TRIM5: variants seen among roughly 807,000 people sequenced by gnomAD.
The protein encoded by TRIM5 is tripartite motif-containing protein 5.
TRIM5 carries 31 observed loss-of-function variants against 35.6 expected under a neutral mutation model. The observed-to-expected ratio is 0.87, with a 90% CI of 0.65 to 1.18. The LOEUF is 1.18. Ranked by LOEUF, TRIM5 falls within the 50% of genes most tolerant of loss-of-function variation. TRIM5 has a pLI of 0.00. For synonymous variants in TRIM5, 243 were observed against 215.6 expected (o/e 1.13, Z -1.11); for missense variants, 609 against 591.6 (o/e 1.03, Z -0.31).
the TRIM5 span, among the ~76,000 whole-genome samples, chr11:5,628,806 ATTTTT>A: frequency 4.0e-5 from 6 of 149,550 alleles, no homozygotes; most frequent in African/African-American, 1.5e-4. Flanking sequence ...GGCAAAGTTG[ATTTTT>A]TTTTTTCAGA....
At chr11:5,596,774 G>T in the TRIM5 span, 1 of 1,484,968 alleles carries the variant, frequency 6.7e-7, no homozygotes, top group South Asian at 1.1e-5. Flanking sequence ...GTTGAGTTTA[G>T]ATAAAAGCCG....
chr11:5,662,960 C>G (rs1042842029), downstream of TRIM5, among the ~76,000 whole-genome samples: 1 of 152,100 alleles, frequency 6.6e-6, no homozygotes, highest in Non-Finnish European at 1.5e-5. Context: ...GAAACCCTGT[C>G]TCTACCAAAA....
chr11:5,613,376 T>C, the TRIM5 span, among the ~76,000 whole-genome samples: 3 of 152,254 alleles, frequency 2.0e-5, no homozygotes, highest in Non-Finnish European at 4.4e-5. Context: ...AGGCTCAGCT[T>C]GGGTGTCTAT....
intron 4 of TRIM5, among the ~76,000 whole-genome samples, chr11:5,674,365 G>A (rs1189859478): frequency 6.6e-6 from 1 of 152,198 alleles, no homozygotes; most frequent in Non-Finnish European, 1.5e-5. Flanking sequence ...CAGCATCTGG[G>A]TATAACACAG....
chr11:5,624,084 G>A, the TRIM5 span, among the ~76,000 whole-genome samples: 2 of 152,150 alleles, frequency 1.3e-5, no homozygotes, highest in Non-Finnish European at 2.9e-5. Flanking sequence ...TCTTGTTCAA[G>A]TTTCCTCCTC....
At chr11:5,651,089 T>C in the TRIM5 span, among the ~76,000 whole-genome samples, 5 of 152,202 alleles carry the variant, frequency 3.3e-5, no homozygotes, top group African/African-American at 1.2e-4. Flanking sequence ...ATGAGGAACA[T>C]GTTGCCTCCA....
the TRIM5 span, among the ~76,000 whole-genome samples, chr11:5,615,935 T>C: frequency 0.16 from 22,722 of 142,904 alleles, 1,697 homozygotes; most frequent in East Asian, 0.29. Flanking sequence ...ATCTTTTCAT[T>C]TTTTTTTTTT....
chr11:5,591,439 A>G, the TRIM5 span, among the ~76,000 whole-genome samples: 5 of 152,188 alleles, frequency 3.3e-5, no homozygotes, highest in African/African-American at 9.6e-5. Flanking sequence ...ACCTGAGGTC[A>G]AGAGTTGGAG....
At chr11:5,642,631 T>C in the TRIM5 span, 3 of 1,409,276 alleles carry the variant, frequency 2.1e-6, no homozygotes, top group African/African-American at 1.4e-5. Flanking sequence ...ATAAGGAATA[T>C]TCTGTGGTGA....
intron 1 of TRIM5, among the ~76,000 whole-genome samples, chr11:5,680,708 A>T (rs1311611101): frequency 6.6e-6 from 1 of 152,232 alleles, no homozygotes; most frequent in Non-Finnish European, 1.5e-5. Context: ...ATGTTATATT[A>T]TCAAAAATAC....
intron 1 of TRIM5, among the ~76,000 whole-genome samples, chr11:5,681,729 G>A (rs1188122862): frequency 8.9e-6 from 1 of 112,838 alleles, no homozygotes; most frequent in Non-Finnish European, 1.7e-5. Context: ...AAAGGCCTGG[G>A]CAAAACTCTC....
At chr11:5,591,902 C>A in the TRIM5 span, among the ~76,000 whole-genome samples, 1 of 151,774 alleles carries the variant, frequency 6.6e-6, no homozygotes, top group Non-Finnish European at 1.5e-5. Flanking sequence ...CCCCGGGGGG[C>A]TGTGGCAATT....
At chr11:5,621,056 A>T in the TRIM5 span, among the ~76,000 whole-genome samples, 1 of 152,182 alleles carries the variant, frequency 6.6e-6, no homozygotes, top group African/African-American at 2.4e-5. Context: ...CAGTTTCTCT[A>T]TGTGTAGACA....
the TRIM5 span, among the ~76,000 whole-genome samples, chr11:5,651,824 A>G: frequency 4.6e-5 from 7 of 152,076 alleles, no homozygotes; most frequent in African/African-American, 1.7e-4. Context: ...TTTACTTTTT[A>G]ATAATAGCCA....
chr11:5,634,528 C>CATATATATATATATATATAT, the TRIM5 span: 10 of 530,382 alleles, frequency 1.9e-5, no homozygotes, highest in African/African-American at 2.4e-4. Flanking sequence ...CACACACACA[C>CATATATATATATATATATAT]ACATATATAT....
chr11:5,643,407 A>C, the TRIM5 span: 3 of 1,614,146 alleles, frequency 1.9e-6, no homozygotes, highest in Admixed American at 5.0e-5. Flanking sequence ...AAATCTTTAC[A>C]CCAAATACAG....
chr11:5,642,922 C>CTTAG, the TRIM5 span: 1 of 1,578,776 alleles, frequency 6.3e-7, no homozygotes, highest in South Asian at 1.1e-5. Context: ...ATCTTCTGAT[C>CTTAG]TTAGCCTCAT....
At chr11:5,634,530 C>CACACACAT in the TRIM5 span, 35 of 261,476 alleles carry the variant, frequency 1.3e-4, no homozygotes, top group Admixed American at 5.5e-4. Flanking sequence ...CACACACACA[C>CACACACAT]ATATATATAT....
intron 4 of TRIM5, among the ~76,000 whole-genome samples, chr11:5,677,505 G>A (rs1006311942): frequency 6.6e-6 from 1 of 152,342 alleles, no homozygotes; most frequent in African/African-American, 2.4e-5. Flanking sequence ...CACTGTTGGT[G>A]GGACTGTAAA....
Sources: allele counts gnomAD v4.1 joint callset (sites outside exome capture counted in the v4.1 genomes callset), GRCh38; gene constraint gnomAD v4.1.1; transcripts MANE v1.5; gene names NCBI Gene and HGNC (gene_info 2026-07-23, HGNC 2026-07-21).